Variants in AHCYL2 observed in about 807,000 individuals in gnomAD.
AHCYL2 encodes the protein S-adenosylhomocysteine hydrolase-like protein 2.
In AHCYL2, 28 loss-of-function variants were observed where a neutral mutation model predicts 81.4. The observed-to-expected ratio is 0.34, with a 90% CI of 0.25 to 0.47. The LOEUF is 0.47. Ranked by LOEUF, AHCYL2 falls within the 20% of genes least tolerant of loss-of-function variation. The pLI, the probability that AHCYL2 is intolerant of heterozygous loss-of-function variation, is 1.00. For synonymous variants in AHCYL2, 272 were observed against 290.2 expected, an observed-to-expected ratio of 0.94 and a Z score of 0.64; for missense variants, 551 against 785.1, an observed-to-expected ratio of 0.70 and a Z score of 3.56.
At position 129,255,566 on chromosome 7, in the gene AHCYL2, A is replaced by ATG. The variant is rs139114235; in HGVS notation, c.363+30141_363+30142dup. 4.4e-3 allele frequency among the ~76,000 whole-genome samples: 670 copies of ATG among 151,676 alleles called. 9 individuals carry two copies. The highest frequency in any genetic ancestry group is 0.015 in the African/African-American group (634 of 41,438). ...ATAGACACGTCATCTATTTACATGA[A>ATG]TGTGTGTGTGTGTGTATGTGCGTGT... On this transcript the variant is annotated intron_variant, in intron 1 of 16. Coordinates refer to ENST00000325006, the MANE Select transcript of AHCYL2 (RefSeq NM_015328.4).
intron 2 of AHCYL2, among the ~76,000 whole-genome samples, chr7:129,386,269 C>T (rs1015230857): frequency 6.6e-6 from 1 of 152,070 alleles, no homozygotes; most frequent in African/African-American, 2.4e-5. Context: ...TCAAGACCAG[C>T]CTGCCCAGCA....
chr7:129,368,512 T>C lies in AHCYL2; in HGVS notation c.364-11126T>C. On this transcript the variant is annotated intron_variant, in intron 1 of 16. Transcript: ENST00000325006. The surrounding 1 kb of genome is among the most constrained non-coding windows in gnomAD (Gnocchi z 4.4). Reference sequence around the variant, plus strand: ...CCTGCACTATGGAGAAGTGGGACGGTAATGAGGGCACCTCAGCTTTTCACA... The same window carrying C: ...CCTGCACTATGGAGAAGTGGGACGGCAATGAGGGCACCTCAGCTTTTCACA... 1.2e-6 allele frequency: 2 copies of C among 1,614,048 alleles called. No homozygotes were observed. Among genetic ancestry groups the C allele is most frequent in the Non-Finnish European group, 1.7e-6 (2 of 1,179,886 alleles).
In AHCYL2 at chr7:129,426,976, T is replaced by TATG; in HGVS notation, c.1830-63_1830-62insATG. Reference sequence around the variant, plus strand: ...CCCTGTTACACCTTTAGGCAGGCTCTTCATGTCCCAGCATCCCCATTAGCT... The same window carrying TATG: ...CCCTGTTACACCTTTAGGCAGGCTCTATGTCATGTCCCAGCATCCCCATTAGCT... On this transcript the variant is annotated intron_variant, in intron 16 of 16. Transcript: ENST00000325006. The surrounding 1 kb of genome is among the most constrained non-coding windows in gnomAD (Gnocchi z 4.3). 1 of 1,554,830 alleles carries TATG rather than the reference T, an allele frequency of 6.4e-7. No individual in the cohort carries two copies. The highest frequency in any genetic ancestry group is 1.1e-5 in the South Asian group (1 of 89,096).
intron 6 of AHCYL2, among the ~76,000 whole-genome samples, chr7:129,402,067 G>T (rs1796063980): frequency 6.6e-6 from 1 of 152,190 alleles, no homozygotes; most frequent in Non-Finnish European, 1.5e-5. Flanking sequence ...GATAAGAATA[G>T]TGAAACTTAC....
At chr7:129,275,454 A>C (rs1426390542) in intron 1 of AHCYL2, among the ~76,000 whole-genome samples, 1 of 152,188 alleles carries the variant, frequency 6.6e-6, no homozygotes, top group African/African-American at 2.4e-5. Context: ...CTGAATAGAA[A>C]ATAATCCAAG....
chr7:129,334,045 A>G (rs189460435), intron 1 of AHCYL2, among the ~76,000 whole-genome samples: 133 of 152,114 alleles, frequency 8.7e-4, no homozygotes, highest in African/African-American at 3.0e-3. Flanking sequence ...TAGCTGTATA[A>G]TATTCTGTTG....
chr7:129,330,160 T>A (rs1219699501), intron 1 of AHCYL2, among the ~76,000 whole-genome samples: 1 of 151,896 alleles, frequency 6.6e-6, no homozygotes, highest in Non-Finnish European at 1.5e-5. Context: ...TGCACCAGCG[T>A]GCTTGGCTAA....
intron 12 of AHCYL2, among the ~76,000 whole-genome samples, chr7:129,415,639 A>G (rs4731573): frequency 0.28 from 42,539 of 151,124 alleles, 7,409 homozygotes; most frequent in East Asian, 0.59. Flanking sequence ...ATCTCAAAAA[A>G]AAAAAAAAGA....
intron 1 of AHCYL2, among the ~76,000 whole-genome samples, chr7:129,237,708 C>G (rs1005375035): frequency 2.0e-5 from 3 of 151,940 alleles, no homozygotes; most frequent in African/African-American, 7.3e-5. Context: ...ACTGTGTGGT[C>G]CTTTTCCAAA....
intron 1 of AHCYL2, among the ~76,000 whole-genome samples, chr7:129,321,714 C>CG (rs1382692190): frequency 2.9e-5 from 4 of 137,346 alleles, no homozygotes; most frequent in African/African-American, 1.1e-4. Context: ...TTTCTGGGAG[C>CG]GTTTGTATGG....
chr7:129,318,238 TA>T (rs1720588216), intron 1 of AHCYL2, among the ~76,000 whole-genome samples: 3 of 152,182 alleles, frequency 2.0e-5, no homozygotes, highest in Non-Finnish European at 2.9e-5. Flanking sequence ...CTTGCATAAA[TA>T]TGACTTCTAT....
chr7:129,314,106 G>A (rs1465755515), intron 1 of AHCYL2, among the ~76,000 whole-genome samples: 1 of 152,170 alleles, frequency 6.6e-6, no homozygotes, highest in Non-Finnish European at 1.5e-5. Flanking sequence ...ATGACATGGA[G>A]TGACTAGAGG....
chr7:129,351,305 T>C (rs1411083188), intron 1 of AHCYL2, among the ~76,000 whole-genome samples: 2 of 152,206 alleles, frequency 1.3e-5, no homozygotes. Context: ...AGCAGGAACA[T>C]AGTAGAAATA....
chr7:129,309,256 A>C (rs1797555941), intron 1 of AHCYL2, among the ~76,000 whole-genome samples: 1 of 149,214 alleles, frequency 6.7e-6, no homozygotes, highest in Admixed American at 6.7e-5. Context: ...AATTATGGTT[A>C]TGTCAGGTAC....
Position 129,430,143 on chromosome 7 carries a change from G to A in AHCYL2, c.*3098G>A, listed in dbSNP as rs999110045. 2 of 152,372 alleles carry A rather than the reference G, an allele frequency of 1.3e-5. No homozygotes were observed. Among genetic ancestry groups the A allele is most frequent in the Non-Finnish European group, 2.9e-5 (2 of 67,990 alleles). The allele number at this position is 152,372 out of a possible 1,614,324, so 9.4% of individuals were successfully genotyped here. ...AGTTCTTGGAAATCTTTATGTCTAA[G>A]TGATTGTATTAGATCAGCAATAATG... On this transcript the variant is annotated 3_prime_UTR_variant, in exon 17 of 17. Coordinates refer to ENST00000325006, the MANE Select transcript of AHCYL2 (RefSeq NM_015328.4).
intron 1 of AHCYL2, among the ~76,000 whole-genome samples, chr7:129,370,677 G>A (rs780473715): frequency 6.6e-6 from 1 of 152,188 alleles, no homozygotes; most frequent in South Asian, 2.1e-4. Flanking sequence ...CAGCCTGGGC[G>A]ACAGGGTGAG....
At chr7:129,390,885 C>T (rs376321511) in intron 4 of AHCYL2, among the ~76,000 whole-genome samples, 1 of 152,086 alleles carries the variant, frequency 6.6e-6, no homozygotes, top group Admixed American at 6.6e-5. Context: ...TTTAATGTCC[C>T]CTTTTTATTA....
At chr7:129,382,123 A>G (rs1794983869) in intron 2 of AHCYL2, among the ~76,000 whole-genome samples, 1 of 152,254 alleles carries the variant, frequency 6.6e-6, no homozygotes, top group South Asian at 2.1e-4. Context: ...AAACTCTTGC[A>G]CCTGGCATCT....
intron 1 of AHCYL2, among the ~76,000 whole-genome samples, chr7:129,228,451 G>A (rs1794304452): frequency 2.0e-5 from 3 of 152,180 alleles, no homozygotes; most frequent in Admixed American, 2.0e-4. Flanking sequence ...TGCTCTGGGG[G>A]CCAGATCATG....
Sources: allele counts gnomAD v4.1 joint callset (sites outside exome capture counted in the v4.1 genomes callset), GRCh38; gene constraint gnomAD v4.1.1; non-coding constraint Gnocchi (gnomAD v3.1); transcripts MANE v1.5; gene names NCBI Gene and HGNC (gene_info 2026-07-23, HGNC 2026-07-21).